NDUFAB1: variants seen among roughly 807,000 people sequenced by gnomAD.
NDUFAB1 encodes acyl carrier protein, mitochondrial.
A neutral mutation model predicts 16.1 loss-of-function variants in NDUFAB1; 5 were observed. That is an observed-to-expected ratio of 0.31 (90% CI 0.16 to 0.65). The LOEUF (loss-of-function observed/expected upper bound fraction) is 0.65. Among genes scored for constraint, NDUFAB1 ranks in the 30% least tolerant of loss-of-function variants. The probability of loss-of-function intolerance (pLI) is 0.77; values close to 1 mark genes in which losing one functional copy is unlikely to be tolerated. For synonymous variants in NDUFAB1, 85 were observed against 78.4 expected (o/e 1.08, Z -0.44); for missense variants, 187 against 205.3 (o/e 0.91, Z 0.54).
chr16:23,582,241 T>G, intron 4 of NDUFAB1, 35 bp downstream of exon 4: 2 of 1,420,974 alleles, frequency 1.4e-6, no homozygotes, highest in Non-Finnish European at 9.2e-7. Flanking sequence ...CACAGACAAA[T>G]CTATGGGTGA....
intron 1 of NDUFAB1, among the ~76,000 whole-genome samples, 159 bp from the exon 2 acceptor site, chr16:23,587,478 C>T (rs1441116479): frequency 6.6e-6 from 1 of 152,254 alleles, no homozygotes; most frequent in African/African-American, 2.4e-5. Flanking sequence ...AGTTGCAGGA[C>T]TGGGTAATCG....
intron 1 of NDUFAB1, 93 bp from the exon 2 acceptor site, chr16:23,587,412 G>A (rs539356186): frequency 1.4e-4 from 206 of 1,483,968 alleles, no homozygotes; most frequent in Middle Eastern, 5.3e-4. Context: ...CAGAACTTTC[G>A]GGGCTTTAGA....
Position 23,581,049 on chromosome 16 carries a change from C to CT in NDUFAB1, c.*132_*133insA, listed in dbSNP as rs539257158. On this transcript the variant is annotated 3_prime_UTR_variant, in exon 5 of 5. Transcript: ENST00000007516. Reference sequence around the variant, plus strand: ...AGATTTATTTTCAAAGAGTAAAACACATACAATTTAAATACAAGTCCATCA... The same window carrying CT: ...AGATTTATTTTCAAAGAGTAAAACACTATACAATTTAAATACAAGTCCATCA... 11 of 152,670 alleles carry CT rather than the reference C, an allele frequency of 7.2e-5. No individual in the cohort carries two copies. In the South Asian group the frequency reaches 2.3e-3, roughly 32 times the overall value. The allele number at this position is 152,670 out of a possible 1,614,324, so 9.5% of individuals were successfully genotyped here. A position where few individuals can be genotyped will look rare whatever the true frequency, so the allele number is the denominator to read the frequency against.
chr16:23,594,514 G>A (rs995624355), intron 1 of NDUFAB1, among the ~76,000 whole-genome samples: 15 of 151,648 alleles, frequency 9.9e-5, no homozygotes, highest in Admixed American at 5.3e-4. Context: ...CACCACGCCC[G>A]GATAATTTTT....
chr16:23,583,886 T>G (rs1433038964), intron 3 of NDUFAB1, among the ~76,000 whole-genome samples: 1 of 151,966 alleles, frequency 6.6e-6, no homozygotes. Context: ...GAAGTAGACA[T>G]AGGAGACTCC....
In NDUFAB1 at chr16:23,587,184, C is replaced by A. The variant is rs1966240586; in HGVS notation, c.291+13G>T. 2 of 1,605,622 alleles carry A rather than the reference C, an allele frequency of 1.2e-6. No individual in the cohort carries two copies. The highest frequency in any genetic ancestry group is 8.5e-7 in the Non-Finnish European group (1 of 1,176,830). ...TATATTTAAAGAAAAAAATTCAAAC[C>A]ACCATCAGTTACCTTCTCTGGGTCA... On this transcript the variant is annotated intron_variant, in intron 2 of 4. Transcript: ENST00000007516.
At chr16:23,584,650 T>G (rs1187995114) in intron 3 of NDUFAB1, among the ~76,000 whole-genome samples, 1 of 152,186 alleles carries the variant, frequency 6.6e-6, no homozygotes, top group Non-Finnish European at 1.5e-5. Context: ...CTTTGAGAGA[T>G]ACAGTTACTT....
intron 1 of NDUFAB1, chr16:23,595,618 C>T (rs778153126): frequency 4.2e-5 from 19 of 456,644 alleles, no homozygotes; most frequent in South Asian, 2.9e-4. Flanking sequence ...TTCCAGGAGT[C>T]CTGGACACAG....
At position 23,582,390 on chromosome 16, in the gene NDUFAB1, TACA is replaced by T; in HGVS notation, c.380-18_380-16del. 6.5e-7 allele frequency: 1 copy of T among 1,544,486 alleles called. No homozygotes were observed. Among genetic ancestry groups the T allele is most frequent in the African/African-American group, 1.4e-5 (1 of 71,946 alleles). On this transcript the variant is annotated splice_polypyrimidine_tract_variant and intron_variant, in intron 3 of 4. Transcript: ENST00000007516. ...AATTTCAAACCCTAAAAGAAAAATA[TACA>T]ACAATGTGAGAGAGTTAAAAAAAAA...
At chr16:23,591,435 G>A (rs1444336346) in intron 1 of NDUFAB1, among the ~76,000 whole-genome samples, 4 of 152,162 alleles carry the variant, frequency 2.6e-5, no homozygotes, top group Non-Finnish European at 5.9e-5. Context: ...TAAGGAGAGG[G>A]CTTTAAAGGC....
At chr16:23,591,819 C>T (rs561144042) in intron 1 of NDUFAB1, among the ~76,000 whole-genome samples, 1 of 152,280 alleles carries the variant, frequency 6.6e-6, no homozygotes, top group Admixed American at 6.5e-5. Context: ...TCAAGTATCT[C>T]TTTTTGCTTT....
chr16:23,585,691 A>G (rs1448735757), intron 2 of NDUFAB1, among the ~76,000 whole-genome samples: 1 of 152,144 alleles, frequency 6.6e-6, no homozygotes, highest in Non-Finnish European at 1.5e-5. Flanking sequence ...GCCCTGGTAA[A>G]TGATGCTCCC....
chr16:23,584,984 C>G (rs972363404), intron 3 of NDUFAB1, among the ~76,000 whole-genome samples: 1 of 152,230 alleles, frequency 6.6e-6, no homozygotes, highest in African/African-American at 2.4e-5. Flanking sequence ...GTTACCCGAG[C>G]TCAGGAGGGG....
Position 23,585,343 on chromosome 16 carries a change from G to A in NDUFAB1, c.372C>T (p.Asp124=), listed in dbSNP as rs781185015. The change falls in exon 3 of 5, where the codon GAC becomes GAT. Residue 124 remains aspartate (D), a synonymous_variant. Transcript: ENST00000007516. ...DQVEIIMAME[D]EFGFEIPDID... ...TAGAAGACTGAGCCTTACCAAATTC[G>A]TCTTCCATGGCCATGATAATCTCCA... 1.7e-5 allele frequency: 28 copies of A among 1,609,434 alleles called. No homozygotes were observed. The highest frequency in any genetic ancestry group is 1.0e-4 in the Admixed American group (6 of 59,838).
intron 3 of NDUFAB1, among the ~76,000 whole-genome samples, chr16:23,582,649 A>C (rs1461418566): frequency 6.4e-5 from 9 of 140,860 alleles, no homozygotes. Flanking sequence ...ATAATTTGGT[A>C]GTTTTTAGTA....
At chr16:23,586,810 G>A (rs1382464825) in intron 2 of NDUFAB1, among the ~76,000 whole-genome samples, 2 of 151,572 alleles carry the variant, frequency 1.3e-5, no homozygotes, top group African/African-American at 2.4e-5. Context: ...CACCATGCCC[G>A]GCTAATTTTG....
At chr16:23,589,372 C>T (rs1179144530) in intron 1 of NDUFAB1, among the ~76,000 whole-genome samples, 1 of 151,558 alleles carries the variant, frequency 6.6e-6, no homozygotes, top group African/African-American at 2.4e-5. Context: ...GATATTCTAA[C>T]GAGCCTTTCT....
chr16:23,590,613 C>T (rs1237475395), intron 1 of NDUFAB1, among the ~76,000 whole-genome samples: 1 of 151,310 alleles, frequency 6.6e-6, no homozygotes, highest in East Asian at 1.9e-4. Flanking sequence ...ATCCTACTAC[C>T]CTCTCATGCT....
intron 1 of NDUFAB1, among the ~76,000 whole-genome samples, chr16:23,588,610 G>GA (rs1966253055): frequency 6.6e-6 from 1 of 152,194 alleles, no homozygotes; most frequent in African/African-American, 2.4e-5. Context: ...AAAGGTCCAT[G>GA]AAAAATCATA....
Sources: allele counts gnomAD v4.1 joint callset (sites outside exome capture counted in the v4.1 genomes callset), GRCh38; gene constraint gnomAD v4.1.1; transcripts MANE v1.5; gene names NCBI Gene and HGNC (gene_info 2026-07-23, HGNC 2026-07-21).